Variants in LEPR observed in about 807,000 individuals in gnomAD.
LEPR encodes the protein OB receptor.
LEPR carries 56 observed loss-of-function variants against 114.7 expected under a neutral mutation model. The observed-to-expected ratio is 0.49, with a 90% CI of 0.39 to 0.61. The LOEUF (loss-of-function observed/expected upper bound fraction) is 0.61. LEPR is among the 20% of genes least tolerant of loss of function. LEPR has a pLI of 0.00. For missense variants in LEPR, 1,202 were observed against 1,352.9 expected, an observed-to-expected ratio of 0.89 and a Z score of 1.75; for synonymous variants, 443 against 461.4, an observed-to-expected ratio of 0.96 and a Z score of 0.51.
At chr1:65,587,127 T>C (rs1655365939) in intron 5 of LEPR, among the ~76,000 whole-genome samples, 1 of 152,070 alleles carries the variant, frequency 6.6e-6, no homozygotes. Flanking sequence ...GACTAAAATT[T>C]TCTATCATTT....
rs1452639657 is a variant in LEPR at position 65,613,669 on chromosome 1, C to T, written c.1996-2339C>T. Reference sequence around the variant, plus strand: ...TCGGGAGGCTGAGGCAGGAGAATGGCGTGAACCCAGGAAGCGGAGCTTGCA... The same window carrying T: ...TCGGGAGGCTGAGGCAGGAGAATGGTGTGAACCCAGGAAGCGGAGCTTGCA... On this transcript the variant is annotated intron_variant, in intron 14 of 19. Transcript: ENST00000349533. Among the ~76,000 whole-genome samples the T allele has an allele frequency of 1.2e-4, 12 of 103,838 alleles. No homozygotes were observed. In the South Asian group the frequency reaches 2.5e-3, roughly 22 times the overall value. The allele number at this position is 103,838 out of a possible 152,430, so 68.1% of individuals were successfully genotyped here.
At chr1:65,425,033 C>CT (rs538402774) in intron 1 of LEPR, among the ~76,000 whole-genome samples, 1 of 152,110 alleles carries the variant, frequency 6.6e-6, no homozygotes, top group South Asian at 2.1e-4. Context: ...AATTTGGGAC[C>CT]TTTTTTTCTT....
chr1:65,455,787 C>G (rs930695824), intron 2 of LEPR, among the ~76,000 whole-genome samples: 13 of 152,234 alleles, frequency 8.5e-5, no homozygotes, highest in Non-Finnish European at 2.9e-5. Flanking sequence ...AGGCAGGCCT[C>G]TTTGAGCTGT....
chr1:65,520,331 G>A (rs373140501), intron 2 of LEPR, among the ~76,000 whole-genome samples: 4 of 152,078 alleles, frequency 2.6e-5, no homozygotes, highest in African/African-American at 9.7e-5. Flanking sequence ...CACCAGTGGC[G>A]TCTGTAGCTG....
At chr1:65,488,003 CTCCT>C (rs913913182) in intron 2 of LEPR, among the ~76,000 whole-genome samples, 93 of 132,282 alleles carry the variant, frequency 7.0e-4, no homozygotes, top group African/African-American at 2.1e-3. Flanking sequence ...TTTCTTTCTT[CTCCT>C]TCCTTCCTTC....
rs1658816980 is a variant in LEPR at position 65,639,909 on chromosome 1, G to C, written c.*2894G>C. 1 of 152,008 alleles carries C rather than the reference G, an allele frequency of 6.6e-6. No individual in the cohort carries two copies. 9.4% of individuals were successfully genotyped at this position (152,008 alleles called of 1,614,324 possible). A position where few individuals can be genotyped will look rare whatever the true frequency, so the allele number is the denominator to read the frequency against. ...AATAGGCACCTTCTGTTGGATCTCT[G>C]TGTCCATTTAGAGATGAGCTACAAG... On this transcript the variant is annotated 3_prime_UTR_variant, in exon 20 of 20. Transcript: ENST00000349533.
chr1:65,616,202 C>G lies in LEPR; in HGVS notation c.2190C>G (p.Thr730=). 1 of 1,613,962 alleles carries G rather than the reference C, an allele frequency of 6.2e-7. No homozygotes were observed. Among genetic ancestry groups the G allele is most frequent in the Non-Finnish European group, 8.5e-7 (1 of 1,179,912 alleles). The change falls in exon 15 of 20, where the codon ACC becomes ACG. Residue 730 remains threonine (T), a synonymous_variant. Transcript: ENST00000349533. The part of the protein sequence containing the change: ...IGASVANFNL[T]FSWPMSKVNI... ...CTTCTGTTGCAAATTTTAATTTAAC[C>G]TTTTCATGGCCTATGAGCAAAGGTA...
At position 65,447,834 on chromosome 1, in the gene LEPR, C is replaced by T. The variant is rs60948573; in HGVS notation, c.-21+22456C>T. Among the ~76,000 whole-genome samples, 115 of 152,264 alleles carry T rather than the reference C, an allele frequency of 7.6e-4. No homozygotes were observed. In the East Asian group the frequency reaches 0.021, roughly 28 times the overall value. Reference sequence around the variant, plus strand: ...GTATTGTGTTTTTAATTTCAAATTCCACTTGTTCATTGCTCATACATAGGA... The same window carrying T: ...GTATTGTGTTTTTAATTTCAAATTCTACTTGTTCATTGCTCATACATAGGA... On this transcript the variant is annotated intron_variant, in intron 2 of 19. Transcript: ENST00000349533.
chr1:65,512,245 C>T (rs1649072070), intron 2 of LEPR, among the ~76,000 whole-genome samples: 1 of 152,110 alleles, frequency 6.6e-6, no homozygotes, highest in Non-Finnish European at 1.5e-5. Flanking sequence ...CTAAACTATT[C>T]AATAGAAACT....
intron 2 of LEPR, among the ~76,000 whole-genome samples, chr1:65,532,189 G>C (rs1192690022): frequency 6.6e-6 from 1 of 152,150 alleles, no homozygotes; most frequent in Admixed American, 6.6e-5. Context: ...GCTTAATGCA[G>C]TTCTTCACTG....
At chr1:65,595,946 A>G (rs1301484841) in intron 6 of LEPR, among the ~76,000 whole-genome samples, 1 of 152,132 alleles carries the variant, frequency 6.6e-6, no homozygotes, top group African/African-American at 2.4e-5. Context: ...GCATGGGAAT[A>G]TTTATGCTGT....
chr1:65,594,091 GA>G (rs969472432), intron 6 of LEPR, among the ~76,000 whole-genome samples: 1 of 151,866 alleles, frequency 6.6e-6, no homozygotes, highest in African/African-American at 2.4e-5. Context: ...TATGTTCCAT[GA>G]AAAAAATAAA....
chr1:65,420,853 C>T lies in LEPR; in HGVS notation c.-97+113C>T, dbSNP rs1054281079. ...GTTGGGGAACGGCCTCACCACCCTTCCCGCCTCTCCGGTTCGGGAGGCGAT... is the reference window on the plus strand; with the variant it reads ...GTTGGGGAACGGCCTCACCACCCTTTCCGCCTCTCCGGTTCGGGAGGCGAT... On this transcript the variant is annotated intron_variant, in intron 1 of 19. Coordinates refer to ENST00000349533, the MANE Select transcript of LEPR (RefSeq NM_002303.6). 5.4e-6 allele frequency: 7 copies of T among 1,307,430 alleles called. No homozygotes were observed. In the South Asian group the frequency reaches 9.2e-5, roughly 17 times the overall value. 81.0% of individuals were successfully genotyped at this position (1,307,430 alleles called of 1,614,324 possible). A position where few individuals can be genotyped will look rare whatever the true frequency, so the allele number is the denominator to read the frequency against.
intron 2 of LEPR, among the ~76,000 whole-genome samples, chr1:65,515,059 G>A (rs1049611250): frequency 1.2e-4 from 18 of 152,218 alleles, no homozygotes; most frequent in African/African-American, 4.3e-4. Flanking sequence ...GGAATATTTT[G>A]TTGGATCTTG....
intron 2 of LEPR, among the ~76,000 whole-genome samples, chr1:65,448,670 G>C (rs1299180286): frequency 6.6e-6 from 1 of 152,076 alleles, no homozygotes; most frequent in Non-Finnish European, 1.5e-5. Flanking sequence ...GTTTTGGAAG[G>C]TTATTATTTA....
intron 2 of LEPR, among the ~76,000 whole-genome samples, chr1:65,517,270 C>A (rs1438004171): frequency 6.6e-6 from 1 of 152,188 alleles, no homozygotes; most frequent in East Asian, 1.9e-4. Context: ...CAGAGCAGAG[C>A]AAATGCACCA....
At chr1:65,425,727 G>A (rs973051695) in intron 2 of LEPR, among the ~76,000 whole-genome samples, 2 of 152,230 alleles carry the variant, frequency 1.3e-5, no homozygotes, top group Non-Finnish European at 2.9e-5. Context: ...GGAGATGCCA[G>A]CACAGTACGC....
At position 65,633,016 on chromosome 1, in the gene LEPR, T is replaced by G. The variant is rs114729793; in HGVS notation, c.2674-3175T>G. On this transcript the variant is annotated intron_variant, in intron 19 of 19. Transcript: ENST00000349533. The surrounding 1 kb of genome is among the most constrained non-coding windows in gnomAD (Gnocchi z 4.1). ...AAAATTTTGCCCTTTCCCAAAAGGA[T>G]GCATTATTGTAACCTAACACAAAAA... 3.9e-3 allele frequency: 2,705 copies of G among 690,886 alleles called. 52 individuals carry two copies. The African/African-American group carries it at 0.044, about 11-fold the overall frequency. 42.8% of individuals were successfully genotyped at this position (690,886 alleles called of 1,614,324 possible).
At chr1:65,462,819 A>G (rs1459545406) in intron 2 of LEPR, among the ~76,000 whole-genome samples, 2 of 152,062 alleles carry the variant, frequency 1.3e-5, no homozygotes, top group Admixed American at 6.5e-5. Flanking sequence ...GTCTGTTTAT[A>G]TCCTTTGCCC....
Sources: allele counts gnomAD v4.1 joint callset (sites outside exome capture counted in the v4.1 genomes callset), GRCh38; gene constraint gnomAD v4.1.1; non-coding constraint Gnocchi (gnomAD v3.1); transcripts MANE v1.5; gene names NCBI Gene and HGNC (gene_info 2026-07-23, HGNC 2026-07-21).